MDGA1: variants seen among roughly 807,000 people sequenced by gnomAD.
MDGA1 encodes the protein MAM domain-containing glycosylphosphatidylinositol anchor protein 1.
MDGA1 carries 54 observed loss-of-function variants against 101.5 expected under a neutral mutation model. The ratio of observed to expected loss-of-function variants is 0.53; its 90% CI spans 0.43 to 0.67. The LOEUF is 0.67. Among genes scored for constraint, MDGA1 ranks in the 30% least tolerant of loss-of-function variants. The pLI is 0.00. For synonymous variants in MDGA1, 533 were observed against 558.3 expected (o/e 0.95, Z 0.64); for missense variants, 1,083 against 1,323.8 (o/e 0.82, Z 2.82).
intron 2 of MDGA1, among the ~76,000 whole-genome samples, chr6:37,659,121 G>T (rs1438818308): frequency 6.6e-6 from 1 of 152,162 alleles, no homozygotes; most frequent in Admixed American, 6.5e-5. Flanking sequence ...CTTGGAAGTA[G>T]ATCCTCCAGT....
chr6:37,672,160 G>A (rs1344186876), intron 1 of MDGA1, among the ~76,000 whole-genome samples: 1 of 150,172 alleles, frequency 6.7e-6, no homozygotes, highest in Non-Finnish European at 1.5e-5. Context: ...AAAAAAAAAA[G>A]TTCCTTCAGG....
At position 37,643,852 on chromosome 6, in the gene MDGA1, G is replaced by A. The variant is rs1193907330; in HGVS notation, c.2493C>T (p.Phe831=). The change falls in exon 14 of 17, where the codon TTC becomes TTT. Residue 831 remains phenylalanine, a synonymous_variant. Transcript: ENST00000434837. ...TGTGGTAGAAGAAGGAGACACAGTA[G>A]AACTTGGCGCTGGCATTGTAGAGGG... ...VSPLYNASAK[F]YCVSFFYHMY... 1.2e-6 allele frequency: 2 copies of A among 1,613,972 alleles called. No individual in the cohort carries two copies. The highest frequency in any genetic ancestry group is 1.7e-6 in the Non-Finnish European group (2 of 1,179,884).
At chr6:37,654,595 T>C in intron 5 of MDGA1, 52 bp from the exon 6 acceptor site, 4 of 1,612,008 alleles carry the variant, frequency 2.5e-6, no homozygotes, top group Non-Finnish European at 2.5e-6. Flanking sequence ...GGGCTGGATG[T>C]TGGGGAGAGT....
At chr6:37,658,968 C>CAAAAAAAA (rs34087406) in intron 2 of MDGA1, among the ~76,000 whole-genome samples, 3,907 of 109,212 alleles carry the variant, frequency 0.036, 155 homozygotes, top group African/African-American at 0.076. Flanking sequence ...AAGACTGTTT[C>CAAAAAAAA]AAAAAAAAAA....
chr6:37,663,956 TG>T lies in MDGA1; in HGVS notation c.207+10del. 6.2e-7 allele frequency: 1 copy of T among 1,613,642 alleles called. No homozygotes were observed. Among genetic ancestry groups the T allele is most frequent in the Non-Finnish European group, 8.5e-7 (1 of 1,179,730 alleles). On this transcript the variant is annotated intron_variant, in intron 2 of 16. Transcript: ENST00000434837. ...AGGAGGGGCCTGAGCAAGGCTGGGC[TG>T]GGGGCTTACCTGGGGTCGAGGGTGC... is the stretch of plus-strand genomic sequence containing the variant.
chr6:37,676,695 C>T (rs555591989), intron 1 of MDGA1, among the ~76,000 whole-genome samples: 1 of 152,034 alleles, frequency 6.6e-6, no homozygotes, highest in African/African-American at 2.4e-5. Flanking sequence ...GTCAGGAGTT[C>T]AAGACCAGCC....
Position 37,650,228 on chromosome 6 carries a change from C to T in MDGA1, c.1490G>A (p.Gly497Glu). ...SGLPLEETPD[G>E]KLRLERVSRD... is the part of the protein sequence containing the mutation. ...GCTCACTCGCTCCAGCCGCAGCTTC[C>T]CGTCCGGAGTCTCCTCCAGGGGCAG... Residue 497 changes from glycine (G) to glutamate (E), a missense_variant, in exon 8 of 17, where the codon GGG becomes GAG. Physicochemically the swap from Gly to Glu is moderately conservative, Grantham distance 98 (BLOSUM62 -2). Coordinates refer to ENST00000434837, the MANE Select transcript of MDGA1 (RefSeq NM_153487.4). The T allele has an allele frequency of 6.2e-7, 1 of 1,611,438 alleles. No individual in the cohort carries two copies. The highest frequency in any genetic ancestry group is 1.1e-5 in the South Asian group (1 of 90,664).
At chr6:37,648,148 C>T (rs1283984231) in intron 9 of MDGA1, 1 of 152,478 alleles carries the variant, frequency 6.6e-6, no homozygotes, top group Non-Finnish European at 1.5e-5. Context: ...TGACAGCCCA[C>T]CTGAGAATGC....
rs753938400 is a variant in MDGA1, at chr6:37,645,970, C to T, written c.2225-14G>A. 60 of 1,613,824 alleles carry T rather than the reference C, an allele frequency of 3.7e-5. No homozygotes were observed. The highest frequency in any genetic ancestry group is 1.2e-4 in the South Asian group (11 of 91,068). On this transcript the variant is annotated splice_polypyrimidine_tract_variant and intron_variant, in intron 11 of 16. Transcript: ENST00000434837. ...GAGAGTTGATGGCTGAGAAAGCAAG[C>T]GGGGAAACCAAGTCAGAACTGAGGT...
chr6:37,649,993 G>A, intron 8 of MDGA1, 116 bp downstream of exon 8: 1 of 1,208,656 alleles, frequency 8.3e-7, no homozygotes, highest in Non-Finnish European at 1.2e-6. Context: ...GGGGTATCAG[G>A]AGTAGCTGGT....
In MDGA1 at chr6:37,655,554, T is replaced by C; in HGVS notation, c.579+146A>G. Reference sequence around the variant, plus strand: ...TCCATCTGATTTTTCTGCCCCAGGCTGTCTGAACTCCAATCAGAATGTGTG... The same window carrying C: ...TCCATCTGATTTTTCTGCCCCAGGCCGTCTGAACTCCAATCAGAATGTGTG... On this transcript the variant is annotated intron_variant, in intron 4 of 16. Coordinates refer to ENST00000434837, the MANE Select transcript of MDGA1 (RefSeq NM_153487.4). This position sits in a 1 kb window ranked among gnomAD's most constrained non-coding sequence, Gnocchi z 5.1. 2 of 662,022 alleles carry C rather than the reference T, an allele frequency of 3.0e-6. No homozygotes were observed. The highest frequency in any genetic ancestry group is 5.2e-6 in the Non-Finnish European group (2 of 388,104). The allele number at this position is 662,022 out of a possible 1,614,324, so 41.0% of individuals were successfully genotyped here.
chr6:37,671,081 T>C (rs773874836), intron 1 of MDGA1, among the ~76,000 whole-genome samples: 2 of 152,166 alleles, frequency 1.3e-5, no homozygotes, highest in Non-Finnish European at 2.9e-5. Flanking sequence ...TATTTTACTC[T>C]CCTGATTTCT....
intron 14 of MDGA1, among the ~76,000 whole-genome samples, chr6:37,641,109 C>T (rs1168374802): frequency 6.6e-6 from 1 of 152,174 alleles, no homozygotes; most frequent in African/African-American, 2.4e-5. Context: ...CTCTGCCTGG[C>T]AGCTCTGGGC....
At chr6:37,668,838 T>TC (rs1761810510) in intron 1 of MDGA1, among the ~76,000 whole-genome samples, 1 of 151,972 alleles carries the variant, frequency 6.6e-6, no homozygotes, top group Non-Finnish European at 1.5e-5. Context: ...TTTTTCTCTC[T>TC]TTCTCTCTCT....
At chr6:37,673,456 C>T (rs1043369378) in intron 1 of MDGA1, among the ~76,000 whole-genome samples, 14 of 152,184 alleles carry the variant, frequency 9.2e-5, no homozygotes, top group Non-Finnish European at 1.8e-4. Flanking sequence ...CAGAGAATGG[C>T]GGTCGGGGGC....
rs1763945996 is a variant in MDGA1, at chr6:37,637,137, G to A, written c.*231C>T. 1 of 484,274 alleles carries A rather than the reference G, an allele frequency of 2.1e-6. No homozygotes were observed. Among genetic ancestry groups the A allele is most frequent in the Non-Finnish European group, 3.7e-6 (1 of 271,414 alleles). 30.0% of individuals were successfully genotyped at this position (484,274 alleles called of 1,614,324 possible). ...AACTTGTGCTTTAATATATCTCTGT[G>A]TGTGTGAGCATGAGTGTGTGCGTGT... On this transcript the variant is annotated 3_prime_UTR_variant, in exon 17 of 17. Coordinates refer to ENST00000434837, the MANE Select transcript of MDGA1 (RefSeq NM_153487.4).
At chr6:37,644,783 C>T (rs1764187163) in intron 12 of MDGA1, 134 bp from the exon 13 acceptor site, 1 of 958,758 alleles carries the variant, frequency 1.0e-6, no homozygotes. Context: ...CTTCAAAAGA[C>T]CAGGCATGGG....
intron 1 of MDGA1, among the ~76,000 whole-genome samples, chr6:37,692,341 A>G (rs6916856): frequency 0.31 from 46,973 of 151,332 alleles, 7,784 homozygotes; most frequent in East Asian, 0.48. Context: ...GAGGCCCAAG[A>G]CTTCATCTCC....
At chr6:37,668,248 C>CT (rs924647118) in intron 1 of MDGA1, among the ~76,000 whole-genome samples, 29 of 95,738 alleles carry the variant, frequency 3.0e-4, no homozygotes, top group Non-Finnish European at 3.9e-4. Flanking sequence ...GAGATTCTGT[C>CT]TAAAAAAAAA....
Sources: allele counts gnomAD v4.1 joint callset (sites outside exome capture counted in the v4.1 genomes callset), GRCh38; gene constraint gnomAD v4.1.1; non-coding constraint Gnocchi (gnomAD v3.1); transcripts MANE v1.5; gene names NCBI Gene and HGNC (gene_info 2026-07-23, HGNC 2026-07-21).